PLPP1: variants seen among roughly 807,000 people sequenced by gnomAD.
PLPP1 encodes the protein lipid phosphate phosphohydrolase 1a.
In PLPP1, 24 loss-of-function variants were observed where a neutral mutation model predicts 31.2. The ratio of observed to expected loss-of-function variants is 0.77; its 90% CI spans 0.56 to 1.08. The LOEUF (loss-of-function observed/expected upper bound fraction) is 1.08, where lower values mean the gene tolerates loss of function less well. PLPP1 is among the 50% of genes least tolerant of loss of function. The pLI is 0.00. For missense variants in PLPP1, 319 were observed against 342.7 expected (o/e 0.93, Z 0.55); for synonymous variants, 146 against 126.3 (o/e 1.16, Z -1.05).
At chr5:55,474,366 A>G (rs1478805357) in intron 2 of PLPP1, among the ~76,000 whole-genome samples, 1 of 152,186 alleles carries the variant, frequency 6.6e-6, no homozygotes, top group Non-Finnish European at 1.5e-5. Flanking sequence ...CATGCAGTGG[A>G]AGCATGCTGG....
intron 3 of PLPP1, among the ~76,000 whole-genome samples, chr5:55,462,399 T>C (rs984538272): frequency 6.6e-6 from 1 of 152,212 alleles, no homozygotes; most frequent in Non-Finnish European, 1.5e-5. Context: ...AAATGTTTTT[T>C]TTCGGTCAAT....
intron 1 of PLPP1, among the ~76,000 whole-genome samples, chr5:55,507,576 A>G (rs573007784): frequency 6.6e-6 from 1 of 152,340 alleles, no homozygotes; most frequent in African/African-American, 2.4e-5. Flanking sequence ...ATGCCACGAC[A>G]GCATGCTAGG....
chr5:55,475,520 T>A, intron 1 of PLPP1, 70 bp from the exon 2 acceptor site: 1 of 1,308,988 alleles, frequency 7.6e-7, no homozygotes, highest in Non-Finnish European at 1.0e-6. Flanking sequence ...GCAATAATTA[T>A]CCCACAGACT....
intron 3 of PLPP1, among the ~76,000 whole-genome samples, chr5:55,464,906 A>G (rs1361690357): frequency 6.6e-6 from 1 of 152,224 alleles, no homozygotes; most frequent in Non-Finnish European, 1.5e-5. Flanking sequence ...TCAATTGTAC[A>G]CTTAAAATGG....
intron 1 of PLPP1, among the ~76,000 whole-genome samples, chr5:55,515,965 T>C (rs925489807): frequency 1.3e-5 from 2 of 152,026 alleles, no homozygotes; most frequent in Admixed American, 1.3e-4. Context: ...TTCAAAAACA[T>C]CTTAAACTTA....
chr5:55,433,746 C>T (rs1396119880), intron 4 of PLPP1, among the ~76,000 whole-genome samples: 1 of 151,644 alleles, frequency 6.6e-6, no homozygotes. Context: ...ATTCTCCTGC[C>T]TCATCCTCCC....
chr5:55,455,607 C>A (rs1293347897), intron 3 of PLPP1, among the ~76,000 whole-genome samples: 1 of 152,126 alleles, frequency 6.6e-6, no homozygotes, highest in South Asian at 2.1e-4. Context: ...GGCTACAGAG[C>A]AAGACCCTGT....
intron 1 of PLPP1, among the ~76,000 whole-genome samples, chr5:55,495,341 G>A (rs1023195190): frequency 3.3e-5 from 5 of 152,066 alleles, no homozygotes; most frequent in African/African-American, 1.2e-4. Context: ...CATGAAAAGA[G>A]GCTATAGGAG....
intron 1 of PLPP1, among the ~76,000 whole-genome samples, chr5:55,489,902 C>T (rs916418516): frequency 6.6e-6 from 1 of 152,142 alleles, no homozygotes; most frequent in East Asian, 1.9e-4. Context: ...GGAGGTAAAT[C>T]TTCACCTTGC....
intron 4 of PLPP1, among the ~76,000 whole-genome samples, chr5:55,436,200 C>T (rs1215245546): frequency 6.6e-6 from 1 of 152,094 alleles, no homozygotes; most frequent in Non-Finnish European, 1.5e-5. Flanking sequence ...AAATGCTTCA[C>T]TGAGAAGCAC....
chr5:55,451,304 A>G (rs1350256270), intron 3 of PLPP1, among the ~76,000 whole-genome samples: 1 of 152,196 alleles, frequency 6.6e-6, no homozygotes, highest in Non-Finnish European at 1.5e-5. Context: ...AAAAAGAAAG[A>G]TAACGCTCAA....
At chr5:55,486,421 C>T (rs946004898) in intron 1 of PLPP1, among the ~76,000 whole-genome samples, 1 of 151,816 alleles carries the variant, frequency 6.6e-6, no homozygotes, top group Non-Finnish European at 1.5e-5. Flanking sequence ...CCCATCTCTA[C>T]TAAAAATACA....
intron 1 of PLPP1, among the ~76,000 whole-genome samples, chr5:55,522,772 G>A (rs976217844): frequency 1.3e-5 from 2 of 152,092 alleles, no homozygotes; most frequent in African/African-American, 4.8e-5. Context: ...CATCCAGTTT[G>A]GAGTGGCGCA....
In PLPP1 at chr5:55,456,543, C is replaced by T. The variant is rs1561230012; in HGVS notation, c.491+11326G>A. Among the ~76,000 whole-genome samples, 3 of 152,288 alleles carry T rather than the reference C, an allele frequency of 2.0e-5. No individual in the cohort carries two copies. In the East Asian group the frequency reaches 5.8e-4, roughly 29 times the overall value. ...ACATAAGTTAAAAGAGCAGATTACACTATAATCCTAAAAAACTATAGACAA... is the reference window on the plus strand; with the variant it reads ...ACATAAGTTAAAAGAGCAGATTACATTATAATCCTAAAAAACTATAGACAA... On this transcript the variant is annotated intron_variant, in intron 3 of 5. Coordinates refer to ENST00000307259, the MANE Select transcript of PLPP1 (RefSeq NM_003711.4).
At chr5:55,467,732 T>A (rs1752334990) in intron 3 of PLPP1, 137 bp downstream of exon 3, 3 of 952,174 alleles carry the variant, frequency 3.2e-6, no homozygotes, top group Admixed American at 2.6e-5. Context: ...AGAGAACAAT[T>A]CATACAAGAT....
intron 1 of PLPP1, among the ~76,000 whole-genome samples, chr5:55,483,220 ATT>A (rs1202750755): frequency 6.6e-6 from 1 of 152,192 alleles, no homozygotes; most frequent in Non-Finnish European, 1.5e-5. Context: ...AATTGTGAAT[ATT>A]GTCTACTTAA....
Position 55,424,948 on chromosome 5 carries a change from A to C in PLPP1, c.*258T>G, listed in dbSNP as rs1242401311. ...ATACATGTTTATACATAAGCATTAC[A>C]TTTTTTTAATAAAAATGTATACAGG... On this transcript the variant is annotated 3_prime_UTR_variant, in exon 6 of 6. Coordinates refer to ENST00000307259, the MANE Select transcript of PLPP1 (RefSeq NM_003711.4). 1.6e-6 allele frequency: 1 copy of C among 638,072 alleles called. No individual in the cohort carries two copies. The highest frequency in any genetic ancestry group is 2.6e-6 in the Non-Finnish European group (1 of 377,430). The allele number at this position is 638,072 out of a possible 1,614,324, so 39.5% of individuals were successfully genotyped here. A position where few individuals can be genotyped will look rare whatever the true frequency, so the allele number is the denominator to read the frequency against.
At chr5:55,442,262 T>G (rs1049817829) in intron 3 of PLPP1, among the ~76,000 whole-genome samples, 9 of 152,236 alleles carry the variant, frequency 5.9e-5, no homozygotes, top group South Asian at 2.1e-4. Flanking sequence ...GACCATGATT[T>G]AAGTTTTATT....
chr5:55,534,564 G>GT lies in PLPP1; in HGVS notation c.58+7dup. ...ACACGCCCCTCGGACCCGGCGGCGC[G>GT]TACGTACCCAGCAACACGCAGAGCA... On this transcript the variant is annotated splice_region_variant and intron_variant, in intron 1 of 5. Coordinates refer to ENST00000307259, the MANE Select transcript of PLPP1 (RefSeq NM_003711.4). 2.0e-6 allele frequency: 3 copies of GT among 1,537,174 alleles called. No homozygotes were observed. The highest frequency in any genetic ancestry group is 2.6e-5 in the East Asian group (1 of 38,510).
Sources: allele counts gnomAD v4.1 joint callset (sites outside exome capture counted in the v4.1 genomes callset), GRCh38; gene constraint gnomAD v4.1.1; transcripts MANE v1.5; gene names NCBI Gene and HGNC (gene_info 2026-07-23, HGNC 2026-07-21).